The following PLCZ1 variants were observed in gnomAD, a reference collection of about 807,000 sequenced individuals.
PLCZ1 encodes 1-phosphatidylinositol 4,5-bisphosphate phosphodiesterase zeta-1.
Under a neutral mutation model 76.8 loss-of-function variants are expected in PLCZ1, and 64 were observed. The observed-to-expected ratio is 0.83, with a 90% confidence interval of 0.68 to 1.03. The LOEUF is 1.03. PLCZ1 is among the 50% of genes least tolerant of loss of function. PLCZ1 has a pLI of 0.00. For missense variants in PLCZ1, 751 were observed against 713.7 expected, an observed-to-expected ratio of 1.05 and a Z score of -0.60; for synonymous variants, 248 against 230.8, an observed-to-expected ratio of 1.07 and a Z score of -0.68.
At chr12:18,652,933 C>CAG in the PLCZ1 span, among the ~76,000 whole-genome samples, 2 of 150,314 alleles carry the variant, frequency 1.3e-5, no homozygotes, top group South Asian at 2.1e-4. Context: ...CTGTCTCACA[C>CAG]AGAGAGAGAG....
At chr12:18,698,023 A>G (rs1165658359) in intron 10 of PLCZ1, among the ~76,000 whole-genome samples, 2 of 151,696 alleles carry the variant, frequency 1.3e-5, no homozygotes, top group African/African-American at 4.9e-5. Flanking sequence ...ATACAATTAT[A>G]ATTAATTTAT....
At chr12:18,687,011 C>T (rs1028770497) in intron 13 of PLCZ1, among the ~76,000 whole-genome samples, 1 of 151,994 alleles carries the variant, frequency 6.6e-6, no homozygotes, top group African/African-American at 2.4e-5. Context: ...ATGGAGGGAA[C>T]AAGAGATAGA....
intron 11 of PLCZ1, among the ~76,000 whole-genome samples, chr12:18,695,604 C>A (rs1042807929): frequency 1.5e-4 from 23 of 152,146 alleles, no homozygotes; most frequent in African/African-American, 5.5e-4. Flanking sequence ...CCCAATATCC[C>A]CCCTCCTCAC....
At chr12:18,654,513 A>G in the PLCZ1 span, among the ~76,000 whole-genome samples, 1 of 152,224 alleles carries the variant, frequency 6.6e-6, no homozygotes, top group Non-Finnish European at 1.5e-5. Context: ...CCGAAATCCC[A>G]GGAAAATCAG....
Position 18,683,247 on chromosome 12 carries a change from C to T in PLCZ1, c.1819G>A (p.Val607Ile), listed in dbSNP as rs751805291. 4.2e-5 allele frequency: 67 copies of T among 1,612,048 alleles called. No homozygotes were observed. The highest frequency in any genetic ancestry group is 2.5e-4 in the East Asian group (11 of 44,804). The part of the protein sequence containing the change: ...PASLFVYVWY[V>I]R ...TCATTTATCATTAGCTGTTATCTGA[C>T]GTACCAAACATAAACAAACAGTGAA... is the stretch of plus-strand genomic sequence containing the variant. Residue 607 changes from valine to isoleucine, a missense_variant, in exon 15 of 15, where the codon GTC (valine) becomes ATC (isoleucine). Physicochemically the swap from Val to Ile is conservative, Grantham distance 29. Transcript: ENST00000266505.
Position 18,692,796 on chromosome 12 carries a change from G to A in PLCZ1, c.1461+2114C>T, listed in dbSNP as rs142751257. On this transcript the variant is annotated intron_variant, in intron 12 of 14. Coordinates refer to ENST00000266505, the MANE Select transcript of PLCZ1 (RefSeq NM_033123.4). The stretch of plus-strand genomic sequence containing the variant: ...AAGTCAGAGTGGTGGTCATGGTCCT[G>A]GAGGTGGCAAGAAGGATGACAAGCT... The A allele has an allele frequency of 5.4e-4, 801 of 1,475,124 alleles. 1 individual carries two copies. In the African/African-American group the frequency reaches 0.01, roughly 19 times the overall value. The allele number at this position is 1,475,124 out of a possible 1,614,324, so 91.4% of individuals were successfully genotyped here.
intron 3 of PLCZ1, among the ~76,000 whole-genome samples, chr12:18,728,564 CAGA>C (rs1958879956): frequency 6.6e-6 from 1 of 151,950 alleles, no homozygotes; most frequent in African/African-American, 2.4e-5. Flanking sequence ...GGTCACAGGA[CAGA>C]AGGAGAAGGA....
chr12:18,721,114 CCT>C (rs1429792776), intron 4 of PLCZ1, among the ~76,000 whole-genome samples: 4 of 151,826 alleles, frequency 2.6e-5, no homozygotes, highest in Non-Finnish European at 5.9e-5. Context: ...ATTATTTTTC[CCT>C]GTTTAATTAG....
chr12:18,686,709 T>C (rs1386398), intron 13 of PLCZ1, among the ~76,000 whole-genome samples: 61,372 of 151,914 alleles, frequency 0.4, 15,205 homozygotes, highest in South Asian at 0.59. Context: ...ATCATAATTA[T>C]TTTACTTATA....
chr12:18,657,266 A>G, the PLCZ1 span, among the ~76,000 whole-genome samples: 1 of 152,264 alleles, frequency 6.6e-6, no homozygotes, highest in Admixed American at 6.5e-5. Flanking sequence ...CTGGGAAATG[A>G]GATGTTTTGG....
At chr12:18,710,594 A>G (rs1202945090) in intron 6 of PLCZ1, among the ~76,000 whole-genome samples, 2 of 152,130 alleles carry the variant, frequency 1.3e-5, no homozygotes, top group African/African-American at 4.8e-5. Flanking sequence ...ATGAGATTGC[A>G]GGGGAATAAG....
chr12:18,696,277 A>G lies in PLCZ1; in HGVS notation c.1175-11T>C, dbSNP rs756740927. On this transcript the variant is annotated splice_polypyrimidine_tract_variant and intron_variant, in intron 10 of 14. Coordinates refer to ENST00000266505, the MANE Select transcript of PLCZ1 (RefSeq NM_033123.4). ...AAATAAACTCATGGACTGAAAAAGA[A>G]TAATTAAAACATTGTGAAAGAATTC... The G allele has an allele frequency of 1.3e-5, 17 of 1,305,356 alleles. No homozygotes were observed. The highest frequency in any genetic ancestry group is 1.7e-5 in the Non-Finnish European group (16 of 919,758). The allele number at this position is 1,305,356 out of a possible 1,614,324, so 80.9% of individuals were successfully genotyped here. A position where few individuals can be genotyped will look rare whatever the true frequency, so the allele number is the denominator to read the frequency against.
At chr12:18,719,406 A>G (rs780711874) in intron 5 of PLCZ1, 25 bp downstream of exon 5, 2 of 1,305,970 alleles carry the variant, frequency 1.5e-6, no homozygotes, top group Non-Finnish European at 2.0e-6. Flanking sequence ...TTTAAATGTA[A>G]TAGATTTAAA....
intron 13 of PLCZ1, among the ~76,000 whole-genome samples, chr12:18,686,109 C>T (rs1303437651): frequency 6.6e-6 from 1 of 152,002 alleles, no homozygotes; most frequent in Non-Finnish European, 1.5e-5. Flanking sequence ...GACTTCTGCG[C>T]AGTGTTTCTC....
At chr12:18,669,195 G>A in the PLCZ1 span, among the ~76,000 whole-genome samples, 8 of 152,232 alleles carry the variant, frequency 5.3e-5, no homozygotes, top group South Asian at 2.1e-4. Context: ...AAGAAGTTGA[G>A]TAATTTTTTT....
At chr12:18,701,646 TCC>T in intron 8 of PLCZ1, 44 bp downstream of exon 8, 1 of 1,203,462 alleles carries the variant, frequency 8.3e-7, no homozygotes, top group East Asian at 2.5e-5. Context: ...CTCCTCCTCC[TCC>T]TCCTCTCCAT....
chr12:18,676,578 G>C, the PLCZ1 span, among the ~76,000 whole-genome samples: 2 of 151,434 alleles, frequency 1.3e-5, no homozygotes, highest in African/African-American at 4.8e-5. Flanking sequence ...TAAGAAGGGA[G>C]TGTATTTCTT....
intron 10 of PLCZ1, among the ~76,000 whole-genome samples, chr12:18,696,577 G>T (rs975217340): frequency 1.3e-5 from 2 of 151,412 alleles, no homozygotes; most frequent in Admixed American, 6.6e-5. Flanking sequence ...ATTTCACTTT[G>T]TTGTAAGAAT....
the PLCZ1 span, among the ~76,000 whole-genome samples, chr12:18,673,312 A>G: frequency 5.9e-5 from 9 of 152,196 alleles, no homozygotes; most frequent in Non-Finnish European, 1.0e-4. Flanking sequence ...GAAATAGTAT[A>G]TAAGTTATTG....
Sources: allele counts gnomAD v4.1 joint callset (sites outside exome capture counted in the v4.1 genomes callset), GRCh38; gene constraint gnomAD v4.1.1; transcripts MANE v1.5; gene names NCBI Gene and HGNC (gene_info 2026-07-23, HGNC 2026-07-21).